Variants in CACNA1E observed in about 807,000 individuals in gnomAD.
The protein encoded by CACNA1E is calcium voltage-gated channel subunit alpha1 E.
CACNA1E carries 40 observed loss-of-function variants against 259.2 expected under a neutral mutation model. The ratio of observed to expected loss-of-function variants is 0.15; its 90% CI spans 0.12 to 0.20. CACNA1E has a LOEUF of 0.20. CACNA1E is among the 10% of genes least tolerant of loss of function. The pLI is 1.00. For synonymous variants in CACNA1E, 1,104 were observed against 1,138.5 expected, an observed-to-expected ratio of 0.97 and a Z score of 0.61; for missense variants, 1,874 against 3,040.1, an observed-to-expected ratio of 0.62 and a Z score of 9.02.
chr1:181,440,451 G>C (rs1244765157), intron 2 of CACNA1E, among the ~76,000 whole-genome samples: 1 of 152,170 alleles, frequency 6.6e-6, no homozygotes, highest in South Asian at 2.1e-4. Flanking sequence ...ACTGAAAGTT[G>C]TGTGTGTCAA....
chr1:181,381,178 A>AT (rs1655434936), intron 1 of CACNA1E, among the ~76,000 whole-genome samples: 2 of 152,192 alleles, frequency 1.3e-5, no homozygotes, highest in South Asian at 4.1e-4. Context: ...AAAAAAAAAA[A>AT]AAATGTCCAT....
rs76131066 is a variant in CACNA1E, at chr1:181,587,369, G to A, written c.951+6593G>A. ...AGTTCAAGTGAGACCAGTGAGCCTG[G>A]TGTGTTTTCCTCTGGTCACATTCAG... On this transcript the variant is annotated intron_variant, in intron 6 of 47. Transcript: ENST00000367573. Among the ~76,000 whole-genome samples, 70 of 152,270 alleles carry A rather than the reference G, an allele frequency of 4.6e-4. No homozygotes were observed. The East Asian group carries it at 0.013, about 27-fold the overall frequency.
Position 181,795,087 on chromosome 1 carries a change from G to A in CACNA1E, c.6208+43G>A, listed in dbSNP as rs1661677764. The A allele has an allele frequency of 3.3e-6, 5 of 1,523,784 alleles. No homozygotes were observed. The South Asian group carries it at 5.9e-5, about 18-fold the overall frequency. 94.4% of individuals were successfully genotyped at this position (1,523,784 alleles called of 1,614,324 possible). ...GTCCAGCTCTTTCATCAGGCAGTGG[G>A]CTCCTGCCCTGATGCACTTACTCTC... On this transcript the variant is annotated intron_variant, in intron 46 of 47. Transcript: ENST00000367573.
At chr1:181,411,954 A>G (rs577000869) in intron 1 of CACNA1E, among the ~76,000 whole-genome samples, 32 of 152,370 alleles carry the variant, frequency 2.1e-4, no homozygotes, top group African/African-American at 7.7e-4. Flanking sequence ...GCCTACGCCA[A>G]TCATAGCACA....
At chr1:181,542,952 A>C (rs901272797) in intron 3 of CACNA1E, among the ~76,000 whole-genome samples, 1 of 150,488 alleles carries the variant, frequency 6.6e-6, no homozygotes, top group Non-Finnish European at 1.5e-5. Context: ...GCTCATAAGC[A>C]TATTAAAGAA....
At chr1:181,378,656 A>G (rs1338722078) in intron 1 of CACNA1E, among the ~76,000 whole-genome samples, 1 of 152,224 alleles carries the variant, frequency 6.6e-6, no homozygotes, top group Non-Finnish European at 1.5e-5. Flanking sequence ...ACTGCTGGAT[A>G]GGATTAGAGG....
At chr1:181,763,344 T>C (rs1183492816) in intron 33 of CACNA1E, 62 bp from the exon 34 acceptor site, 2 of 1,355,582 alleles carry the variant, frequency 1.5e-6, no homozygotes, top group Non-Finnish European at 2.0e-6. Context: ...CAAATACTAG[T>C]GCTTAGATTT....
intron 3 of CACNA1E, among the ~76,000 whole-genome samples, chr1:181,561,555 T>C (rs939611788): frequency 6.6e-6 from 1 of 152,196 alleles, no homozygotes; most frequent in Non-Finnish European, 1.5e-5. Flanking sequence ...CTACAGCCTT[T>C]TTGGCTTCTT....
chr1:181,578,693 A>G (rs1444388656), intron 4 of CACNA1E, among the ~76,000 whole-genome samples: 1 of 152,266 alleles, frequency 6.6e-6, no homozygotes, highest in Non-Finnish European at 1.5e-5. Flanking sequence ...GTGCTGCAAC[A>G]AACACCTTTT....
chr1:181,438,441 ATGGAAAT>A (rs1218561442), intron 2 of CACNA1E, among the ~76,000 whole-genome samples: 1 of 152,194 alleles, frequency 6.6e-6, no homozygotes. Flanking sequence ...TGGTGCATTT[ATGGAAAT>A]TCTTTCAGGG....
intron 6 of CACNA1E, among the ~76,000 whole-genome samples, chr1:181,627,858 G>A (rs887804697): frequency 5.9e-5 from 9 of 151,924 alleles, no homozygotes; most frequent in South Asian, 2.1e-4. Context: ...CTTTCTAACC[G>A]TCTCCCACCC....
intron 6 of CACNA1E, among the ~76,000 whole-genome samples, chr1:181,645,778 G>A (rs909861729): frequency 6.6e-6 from 1 of 152,208 alleles, no homozygotes; most frequent in Non-Finnish European, 1.5e-5. Flanking sequence ...AGACTGTCTT[G>A]CTCATCATCC....
chr1:181,673,384 C>T (rs900665445), intron 7 of CACNA1E, among the ~76,000 whole-genome samples: 1 of 152,190 alleles, frequency 6.6e-6, no homozygotes, highest in Non-Finnish European at 1.5e-5. Context: ...TGGGCACTGT[C>T]ACATACCTGT....
At chr1:181,550,235 G>C (rs1304141548) in intron 3 of CACNA1E, among the ~76,000 whole-genome samples, 2 of 152,176 alleles carry the variant, frequency 1.3e-5, no homozygotes, top group Non-Finnish European at 1.5e-5. Flanking sequence ...AATCCCAAGT[G>C]TAGGGGAGGG....
chr1:181,751,660 G>C (rs1407652388), intron 26 of CACNA1E, among the ~76,000 whole-genome samples: 1 of 152,154 alleles, frequency 6.6e-6, no homozygotes, highest in Non-Finnish European at 1.5e-5. Flanking sequence ...CTCAACTGTG[G>C]GTTCATCAAT....
At chr1:181,687,976 C>T (rs13375110) in intron 7 of CACNA1E, among the ~76,000 whole-genome samples, 6,929 of 152,010 alleles carry the variant, frequency 0.046, 190 homozygotes, top group African/African-American at 0.067. Context: ...ATTGTGTTTT[C>T]GTGACTTATG....
At chr1:181,491,425 A>G (rs1223208366) in intron 1 of CACNA1E, among the ~76,000 whole-genome samples, 2 of 152,216 alleles carry the variant, frequency 1.3e-5, no homozygotes, top group African/African-American at 2.4e-5. Context: ...TTTGTTGGTC[A>G]CAATTTCCCA....
chr1:181,784,025 G>A (rs1474810907), intron 40 of CACNA1E, among the ~76,000 whole-genome samples: 2 of 152,104 alleles, frequency 1.3e-5, no homozygotes, highest in African/African-American at 4.8e-5. Flanking sequence ...TCAGTGTCTG[G>A]CTCACAATAG....
At chr1:181,394,326 A>C (rs1361633590) in intron 1 of CACNA1E, among the ~76,000 whole-genome samples, 1 of 152,224 alleles carries the variant, frequency 6.6e-6, no homozygotes, top group African/African-American at 2.4e-5. Context: ...AGACTGATAA[A>C]TGTGAATTCC....
Sources: gnomAD v4.1 joint callset for allele counts (sites outside exome capture counted in the v4.1 genomes callset) on GRCh38, gnomAD v4.1.1 for gene constraint, MANE v1.5 for transcripts, NCBI Gene and HGNC (gene_info 2026-07-23, HGNC 2026-07-21) for gene names.